The following ANTXRL variants were observed in gnomAD, a reference collection of about 807,000 sequenced individuals.
The protein encoded by ANTXRL is ANTXR like.
In ANTXRL, 63 loss-of-function variants were observed where a neutral mutation model predicts 75.4. That is an observed-to-expected ratio of 0.84 (90% CI 0.68 to 1.03). The LOEUF (loss-of-function observed/expected upper bound fraction) is 1.03. Among genes scored for constraint, ANTXRL ranks in the 50% least tolerant of loss-of-function variants. ANTXRL has a pLI of 0.00. For missense variants in ANTXRL, 797 were observed against 789.4 expected (o/e 1.01, Z -0.12); for synonymous variants, 335 against 291.3 (o/e 1.15, Z -1.53).
intron 9 of ANTXRL, among the ~76,000 whole-genome samples, chr10:46,301,617 C>A (rs1554960596): frequency 6.6e-6 from 1 of 152,200 alleles, no homozygotes; most frequent in Non-Finnish European, 1.5e-5. Context: ...AACACAAACC[C>A]ACTAAGGCCT....
In ANTXRL at chr10:46,328,625, T is replaced by TC. The variant is rs1554966918; in HGVS notation, c.1411-974_1411-973insC. On this transcript the variant is annotated intron_variant, in intron 16 of 16. Transcript: ENST00000620264. ...TACAACTGAGCACATTGCCTCTCTCTTTTTTTTTTTAATTTTAAGTTCCGG... is the reference window on the plus strand; with the variant it reads ...TACAACTGAGCACATTGCCTCTCTCTCTTTTTTTTTTAATTTTAAGTTCCGG... 1.2e-4 allele frequency among the ~76,000 whole-genome samples: 18 copies of TC among 146,380 alleles called. No individual in the cohort carries two copies. In the South Asian group the frequency reaches 3.9e-3, roughly 32 times the overall value.
chr10:46,314,848 C>T (rs1250761632), intron 16 of ANTXRL, among the ~76,000 whole-genome samples: 2 of 152,132 alleles, frequency 1.3e-5, no homozygotes, highest in Admixed American at 6.5e-5. Context: ...TGGCTGCCTC[C>T]AGGCTATCAG....
At chr10:46,313,462 G>C (rs1838549435) in intron 16 of ANTXRL, 146 bp downstream of exon 16, 2 of 835,414 alleles carry the variant, frequency 2.4e-6, no homozygotes, top group Admixed American at 2.1e-5. Context: ...GGTGCCCATG[G>C]GCATCCCAGC....
chr10:46,312,878 T>C (rs1554963840), intron 15 of ANTXRL, among the ~76,000 whole-genome samples: 1 of 151,782 alleles, frequency 6.6e-6, no homozygotes, highest in African/African-American at 2.4e-5. Context: ...GCAGCAAGGC[T>C]CCTTCTCCCT....
chr10:46,328,144 T>G (rs1554966845), intron 16 of ANTXRL, among the ~76,000 whole-genome samples: 1 of 151,970 alleles, frequency 6.6e-6, no homozygotes. Flanking sequence ...CCAAGCAGGG[T>G]GGTCACTTTA....
chr10:46,305,158 C>T (rs564430279), intron 10 of ANTXRL, among the ~76,000 whole-genome samples: 2 of 152,334 alleles, frequency 1.3e-5, no homozygotes, highest in South Asian at 2.1e-4. Flanking sequence ...GCCTCCCCTG[C>T]ACCCCCAACT....
chr10:46,286,689 C>T (rs782333712), upstream of ANTXRL, among the ~76,000 whole-genome samples: 9 of 152,192 alleles, frequency 5.9e-5, no homozygotes, highest in East Asian at 9.6e-4. Context: ...CCTTCCCGAA[C>T]TGCCATCTCC....
chr10:46,308,434 A>ACTCCCCTCCCCTCCTCTCCACTCCC (rs1838229489), intron 12 of ANTXRL: 1 of 112,264 alleles, frequency 8.9e-6, no homozygotes, highest in African/African-American at 7.5e-5. Flanking sequence ...CCTCCTCTCC[A>ACTCCCCTCCCCTCCTCTCCACTCCC]CTCCCCTCCC....
At chr10:46,327,064 T>C (rs1178087616) in intron 16 of ANTXRL, among the ~76,000 whole-genome samples, 4 of 152,082 alleles carry the variant, frequency 2.6e-5, no homozygotes, top group African/African-American at 9.7e-5. Flanking sequence ...GGAAGGCAGC[T>C]TGTCAGAGGC....
chr10:46,286,817 A>G (rs1836784889), upstream of ANTXRL, among the ~76,000 whole-genome samples: 1 of 152,094 alleles, frequency 6.6e-6, no homozygotes, highest in East Asian at 1.9e-4. Flanking sequence ...AACTCTTCCA[A>G]TGAACAAACA....
chr10:46,289,070 G>A (rs868918964), intron 1 of ANTXRL, among the ~76,000 whole-genome samples: 3 of 152,130 alleles, frequency 2.0e-5, no homozygotes, highest in Non-Finnish European at 2.9e-5. Flanking sequence ...GCAGCTGGGC[G>A]GGACCCTGAG....
intron 16 of ANTXRL, among the ~76,000 whole-genome samples, chr10:46,314,212 C>T (rs1167742005): frequency 6.6e-6 from 1 of 152,134 alleles, no homozygotes; most frequent in Non-Finnish European, 1.5e-5. Flanking sequence ...GCCGGGAGCC[C>T]CTGGGAGGCG....
At chr10:46,307,509 G>GT in intron 12 of ANTXRL, 29 bp downstream of exon 12, 1 of 1,517,998 alleles carries the variant, frequency 6.6e-7, no homozygotes, top group East Asian at 2.5e-5. Context: ...CTGCAAACAT[G>GT]TATGAGGACT....
chr10:46,287,330 C>T lies in ANTXRL; in HGVS notation c.68C>T (p.Pro23Leu), dbSNP rs375983750. 43 of 1,535,884 alleles carry T rather than the reference C, an allele frequency of 2.8e-5. No individual in the cohort carries two copies. Among genetic ancestry groups the T allele is most frequent in the Non-Finnish European group, 3.4e-5 (39 of 1,146,784 alleles). ...VFLLLLLLPP[P>L]LFRAGSLRYH... ...CTGCTGCTGCTGCTGCTTCCTCCAC[C>T]GCTTTTTAGAGCAGGAAGCCTTCGG... is the stretch of plus-strand genomic sequence containing the variant. Residue 23 changes from proline (P) to leucine (L), a missense_variant, in exon 1 of 17, where the codon CCG becomes CTG. Physicochemically the swap from Pro to Leu is moderately conservative, Grantham distance 98 (BLOSUM62 -3). Around this residue, in one of 3 missense-constraint regions of ANTXRL, gnomAD observed 262 missense variants for 271.9 expected, o/e 0.96. Coordinates refer to ENST00000620264, the MANE Select transcript of ANTXRL (RefSeq NM_001278688.3).
chr10:46,298,594 G>C (rs1301855482), intron 9 of ANTXRL, among the ~76,000 whole-genome samples: 1 of 151,670 alleles, frequency 6.6e-6, no homozygotes, highest in Non-Finnish European at 1.5e-5. Context: ...TGGGAAGGTT[G>C]CCTGGTGTGT....
rs187026486 is a variant in ANTXRL at position 46,328,155 on chromosome 10, G to C, written c.1411-1444G>C. 1.7e-3 allele frequency among the ~76,000 whole-genome samples: 253 copies of C among 152,290 alleles called. 2 individuals are homozygous for C. Among genetic ancestry groups the C allele is most frequent in the African/African-American group, 5.3e-3 (221 of 41,546 alleles). On this transcript the variant is annotated intron_variant, in intron 16 of 16. Coordinates refer to ENST00000620264, the MANE Select transcript of ANTXRL (RefSeq NM_001278688.3). ...AATACCAAGCAGGGTGGTCACTTTA[G>C]CTGGGAGCAAGGATAAGGGGCTTCC...
intron 16 of ANTXRL, among the ~76,000 whole-genome samples, chr10:46,324,417 G>A (rs1165143188): frequency 6.6e-6 from 1 of 152,090 alleles, no homozygotes; most frequent in Non-Finnish European, 1.5e-5. Flanking sequence ...TTGGACTATG[G>A]GAAATCTTGG....
chr10:46,311,504 T>A lies in ANTXRL; in HGVS notation c.1174-6T>A, dbSNP rs1554963460. ...TGTGAGCAGACAGTTGTTTTTCTTT[T>A]TTTAGGAGCCAGAGCAGGAAAAACC... On this transcript the variant is annotated splice_polypyrimidine_tract_variant and splice_region_variant and intron_variant, in intron 14 of 16. Transcript: ENST00000620264. 3.3e-6 allele frequency: 5 copies of A among 1,527,760 alleles called. No individual in the cohort carries two copies. Among genetic ancestry groups the A allele is most frequent in the Non-Finnish European group, 4.4e-6 (5 of 1,142,466 alleles). 94.6% of individuals were successfully genotyped at this position (1,527,760 alleles called of 1,614,324 possible). A position where few individuals can be genotyped will look rare whatever the true frequency, so the allele number is the denominator to read the frequency against.
intron 10 of ANTXRL, among the ~76,000 whole-genome samples, chr10:46,306,394 C>T (rs1838085884): frequency 6.6e-6 from 1 of 152,138 alleles, no homozygotes; most frequent in Non-Finnish European, 1.5e-5. Context: ...ATTTCATGTT[C>T]CTCTAGACCA....
Sources: allele counts gnomAD v4.1 joint callset (sites outside exome capture counted in the v4.1 genomes callset), GRCh38; gene constraint gnomAD v4.1.1; regional missense constraint gnomAD v4.1.1; transcripts MANE v1.5; gene names NCBI Gene and HGNC (gene_info 2026-07-23, HGNC 2026-07-21).